UBTD2: variants seen among roughly 807,000 people sequenced by gnomAD.
The protein encoded by UBTD2 is ubiquitin domain-containing protein 2.
UBTD2 carries 9 observed loss-of-function variants against 19.8 expected under a neutral mutation model. The ratio of observed to expected loss-of-function variants is 0.46; its 90% CI spans 0.27 to 0.79. The LOEUF (loss-of-function observed/expected upper bound fraction) is 0.79, where lower values mean the gene tolerates loss of function less well. Ranked by LOEUF, UBTD2 falls within the 30% of genes least tolerant of loss-of-function variation. UBTD2 has a pLI of 0.14. For synonymous variants in UBTD2, 98 were observed against 103.9 expected (o/e 0.94, Z 0.35); for missense variants, 250 against 300.4 (o/e 0.83, Z 1.24).
chr5:172,278,468 G>A (rs1305953951), intron 1 of UBTD2, among the ~76,000 whole-genome samples: 1 of 151,154 alleles, frequency 6.6e-6, no homozygotes, highest in Non-Finnish European at 1.5e-5. Context: ...GCAGCGAGCT[G>A]AGATCACACC....
At chr5:172,228,369 C>A (rs952696419) in intron 2 of UBTD2, among the ~76,000 whole-genome samples, 3 of 152,128 alleles carry the variant, frequency 2.0e-5, no homozygotes, top group African/African-American at 7.2e-5. Context: ...GTTTTCTGAT[C>A]TGTGCAAAGT....
chr5:172,277,973 C>A (rs1755641451), intron 1 of UBTD2, among the ~76,000 whole-genome samples: 1 of 151,746 alleles, frequency 6.6e-6, no homozygotes, highest in South Asian at 2.1e-4. Context: ...CAGGAAAATG[C>A]AAATCAAACT....
chr5:172,271,373 G>C (rs1440581820), intron 1 of UBTD2, among the ~76,000 whole-genome samples: 2 of 149,778 alleles, frequency 1.3e-5, no homozygotes, highest in African/African-American at 4.9e-5. Context: ...ATCTTGCCGT[G>C]AGCCGAGATC....
chr5:172,279,094 A>T (rs935369340), intron 1 of UBTD2, among the ~76,000 whole-genome samples: 3 of 152,176 alleles, frequency 2.0e-5, no homozygotes, highest in Non-Finnish European at 1.5e-5. Flanking sequence ...GTCACAATTT[A>T]AAAAAAGTAA....
intron 1 of UBTD2, among the ~76,000 whole-genome samples, chr5:172,238,784 C>T (rs1472201681): frequency 2.6e-5 from 4 of 152,098 alleles, no homozygotes; most frequent in Non-Finnish European, 4.4e-5. Context: ...TCTTTGAAAA[C>T]CTTGATTTAA....
chr5:172,214,290 C>G (rs1771502633), intron 2 of UBTD2, among the ~76,000 whole-genome samples: 2 of 152,156 alleles, frequency 1.3e-5, no homozygotes, highest in African/African-American at 4.8e-5. Context: ...TATAAAGCAC[C>G]TGAAATGAGT....
At chr5:172,276,761 GGAA>G (rs2113136433) in intron 1 of UBTD2, among the ~76,000 whole-genome samples, 1 of 151,854 alleles carries the variant, frequency 6.6e-6, no homozygotes, top group East Asian at 1.9e-4. Context: ...AGGGAGGGAA[GGAA>G]GAAGACAAAA....
chr5:172,261,750 T>C (rs1581230152), intron 1 of UBTD2, among the ~76,000 whole-genome samples: 1 of 152,096 alleles, frequency 6.6e-6, no homozygotes. Flanking sequence ...TTAGCCTCCT[T>C]AGTAGCTGGG....
intron 1 of UBTD2, among the ~76,000 whole-genome samples, chr5:172,244,216 C>T (rs1328476306): frequency 6.6e-6 from 1 of 151,470 alleles, no homozygotes. Flanking sequence ...CCTATTAAGT[C>T]AGCAACAGTA....
At chr5:172,251,070 T>C (rs539555160) in intron 1 of UBTD2, among the ~76,000 whole-genome samples, 140 of 151,408 alleles carry the variant, frequency 9.2e-4, no homozygotes, top group African/African-American at 3.1e-3. Context: ...ATCCCAGCAC[T>C]TCGGGAGGCC....
At chr5:172,276,312 GCTCTT>G (rs532852800) in intron 1 of UBTD2, among the ~76,000 whole-genome samples, 170 of 152,192 alleles carry the variant, frequency 1.1e-3, no homozygotes, top group African/African-American at 4.0e-3. Context: ...CATCAGATAA[GCTCTT>G]CTCTTCAAGA....
chr5:172,223,616 A>AAAAAAAAAG (rs1491065973), intron 2 of UBTD2, among the ~76,000 whole-genome samples: 1 of 136,028 alleles, frequency 7.4e-6, no homozygotes, highest in African/African-American at 2.8e-5. Context: ...AAAAAAAAAA[A>AAAAAAAAAG]AGCACACTTA....
At chr5:172,220,962 C>CTA (rs1771638435) in intron 2 of UBTD2, among the ~76,000 whole-genome samples, 1 of 152,162 alleles carries the variant, frequency 6.6e-6, no homozygotes, top group South Asian at 2.1e-4. Context: ...AACTGCTCTC[C>CTA]TATACATCAG....
intron 1 of UBTD2, among the ~76,000 whole-genome samples, chr5:172,274,778 T>G (rs892604473): frequency 6.6e-6 from 1 of 152,148 alleles, no homozygotes; most frequent in Non-Finnish European, 1.5e-5. Flanking sequence ...CGGTGGCTCA[T>G]GCCTGTAATC....
intron 1 of UBTD2, among the ~76,000 whole-genome samples, chr5:172,244,007 A>G (rs1291626931): frequency 6.6e-6 from 1 of 152,080 alleles, no homozygotes; most frequent in Non-Finnish European, 1.5e-5. Flanking sequence ...GGAGACCATC[A>G]TCTTGGGTTT....
intron 1 of UBTD2, chr5:172,255,522 C>T (rs915367228): frequency 2.5e-5 from 8 of 314,370 alleles, no homozygotes; most frequent in African/African-American, 6.6e-5. Context: ...GGCCCAGATC[C>T]GGGCTGCCTG....
intron 1 of UBTD2, among the ~76,000 whole-genome samples, chr5:172,240,559 A>G (rs956731512): frequency 6.6e-6 from 1 of 152,154 alleles, no homozygotes; most frequent in Admixed American, 6.5e-5. Flanking sequence ...CCCCTTACCA[A>G]TGATCTGAGC....
chr5:172,250,576 G>T (rs1264628935), intron 1 of UBTD2, among the ~76,000 whole-genome samples: 1 of 151,942 alleles, frequency 6.6e-6, no homozygotes. Flanking sequence ...CAAACTAAGG[G>T]GATATAACTA....
intron 1 of UBTD2, among the ~76,000 whole-genome samples, chr5:172,263,026 G>A (rs1353533406): frequency 2.6e-5 from 4 of 151,650 alleles, no homozygotes; most frequent in African/African-American, 7.3e-5. Flanking sequence ...CTGCAGCCAC[G>A]ACCTCCGGGC....
Sources: gnomAD v4.1 joint callset for allele counts (sites outside exome capture counted in the v4.1 genomes callset) on GRCh38, gnomAD v4.1.1 for gene constraint, MANE v1.5 for transcripts, NCBI Gene and HGNC (gene_info 2026-07-23, HGNC 2026-07-21) for gene names.